TBC1D5: variants seen among roughly 807,000 people sequenced by gnomAD.
The protein encoded by TBC1D5 is TBC1 domain family, member 5.
A neutral mutation model predicts 100.3 loss-of-function variants in TBC1D5; 75 were observed. That is an observed-to-expected ratio of 0.75 (90% CI 0.62 to 0.91). The LOEUF is 0.91. TBC1D5 is among the 40% of genes least tolerant of loss of function. TBC1D5 has a pLI of 0.00. For synonymous variants in TBC1D5, 323 were observed against 325.6 expected, an observed-to-expected ratio of 0.99 and a Z score of 0.09; for missense variants, 910 against 942.4, an observed-to-expected ratio of 0.97 and a Z score of 0.45.
chr3:17,308,204 T>G, intron 13 of TBC1D5, 70 bp from the exon 14 acceptor site: 1 of 1,434,850 alleles, frequency 7.0e-7, no homozygotes, highest in Non-Finnish European at 9.2e-7. Flanking sequence ...TTTTCTCAAG[T>G]AACTGTGAAA....
intron 2 of TBC1D5, among the ~76,000 whole-genome samples, chr3:17,599,732 C>T (rs1300302195): frequency 6.6e-6 from 1 of 152,200 alleles, no homozygotes; most frequent in East Asian, 1.9e-4. Context: ...CACTCCAGCT[C>T]TGGCTCTCGA....
At chr3:17,458,282 A>T (rs1304425580) in intron 3 of TBC1D5, among the ~76,000 whole-genome samples, 1 of 152,188 alleles carries the variant, frequency 6.6e-6, no homozygotes, top group Non-Finnish European at 1.5e-5. Flanking sequence ...CCCCAACTGC[A>T]AAAAGATTTC....
chr3:17,356,219 T>C (rs997751140), intron 13 of TBC1D5, among the ~76,000 whole-genome samples: 1 of 152,188 alleles, frequency 6.6e-6, no homozygotes, highest in Non-Finnish European at 1.5e-5. Context: ...AAACACCCAT[T>C]CATAAAATTT....
chr3:17,482,954 A>T (rs1239980262), intron 3 of TBC1D5, among the ~76,000 whole-genome samples: 1 of 152,084 alleles, frequency 6.6e-6, no homozygotes, highest in East Asian at 1.9e-4. Context: ...AAAGTCTCAG[A>T]TGTTTTGTTT....
intron 4 of TBC1D5, among the ~76,000 whole-genome samples, chr3:17,412,079 T>C (rs761986990): frequency 6.6e-6 from 1 of 152,184 alleles, no homozygotes; most frequent in African/African-American, 2.4e-5. Context: ...TTTTAAAACA[T>C]ACAAAGTTAA....
chr3:17,210,750 G>A (rs553799997), intron 18 of TBC1D5, among the ~76,000 whole-genome samples: 6 of 152,008 alleles, frequency 3.9e-5, no homozygotes, highest in Non-Finnish European at 8.8e-5. Flanking sequence ...AAAATTTCTC[G>A]AATTGTATTT....
At chr3:17,165,168 A>G (rs949151932) in intron 21 of TBC1D5, among the ~76,000 whole-genome samples, 2 of 152,194 alleles carry the variant, frequency 1.3e-5, no homozygotes, top group Admixed American at 6.5e-5. Context: ...TATCTTGGGT[A>G]TGCACAGTGG....
intron 15 of TBC1D5, among the ~76,000 whole-genome samples, chr3:17,276,285 C>T (rs2080003318): frequency 1.3e-5 from 2 of 152,100 alleles, no homozygotes; most frequent in South Asian, 2.1e-4. Flanking sequence ...AGAGCCCTCA[C>T]GACCTAATCA....
At chr3:17,640,400 A>G (rs538716988) in intron 1 of TBC1D5, among the ~76,000 whole-genome samples, 1 of 152,230 alleles carries the variant, frequency 6.6e-6, no homozygotes, top group South Asian at 2.1e-4. Flanking sequence ...TGTTTCAAAG[A>G]TTTATTTTAA....
rs184195081 is a variant in TBC1D5 at position 17,314,993 on chromosome 3, T to C, written c.996-6859A>G. 5.3e-5 allele frequency among the ~76,000 whole-genome samples: 8 copies of C among 152,354 alleles called. No homozygotes were observed. The East Asian group carries it at 1.5e-3, about 29-fold the overall frequency. Reference sequence around the variant, plus strand: ...TGATCATTTTTTAAGGTGGGGTCAATACAGGCATCTGCCACTGTGCCCAGA... The same window carrying C: ...TGATCATTTTTTAAGGTGGGGTCAACACAGGCATCTGCCACTGTGCCCAGA... On this transcript the variant is annotated intron_variant, in intron 13 of 21. Coordinates refer to ENST00000253692, the Ensembl canonical transcript of TBC1D5.
chr3:17,244,458 T>G (rs1559479107), intron 16 of TBC1D5, among the ~76,000 whole-genome samples: 1 of 152,186 alleles, frequency 6.6e-6, no homozygotes, highest in Non-Finnish European at 1.5e-5. Context: ...TCAGTTTCCA[T>G]TCCATTCCTT....
At position 17,591,262 on chromosome 3, in the gene TBC1D5, A is replaced by AAAAAAAG. The variant is rs763680272; in HGVS notation, c.-36+32586_-36+32587insCTTTTTT. ...AAAAAAAAAAAAAAAAAAAAAAAAA[A>AAAAAAAG]AAAACAAAAACCCCAGAGAATCATG... On this transcript the variant is annotated intron_variant, in intron 2 of 21. Transcript: ENST00000253692. Among the ~76,000 whole-genome samples, 3 of 112,846 alleles carry AAAAAAAG rather than the reference A, an allele frequency of 2.7e-5. No individual in the cohort carries two copies. In the Admixed American group the frequency reaches 3.1e-4, roughly 12 times the overall value. The allele number at this position is 112,846 out of a possible 152,430, so 74.0% of individuals were successfully genotyped here.
intron 2 of TBC1D5, among the ~76,000 whole-genome samples, chr3:17,563,512 TA>T (rs1391699500): frequency 6.6e-6 from 1 of 152,232 alleles, no homozygotes; most frequent in East Asian, 1.9e-4. Flanking sequence ...GGAGTAAAGT[TA>T]AATTTAAGGT....
At chr3:17,502,300 C>T (rs1215788428) in intron 3 of TBC1D5, among the ~76,000 whole-genome samples, 1 of 149,862 alleles carries the variant, frequency 6.7e-6, no homozygotes, top group Non-Finnish European at 1.5e-5. Context: ...GTGCTTATCA[C>T]AACAATGACT....
chr3:17,405,841 C>G (rs1018453220), intron 5 of TBC1D5, among the ~76,000 whole-genome samples: 5 of 151,946 alleles, frequency 3.3e-5, no homozygotes, highest in African/African-American at 1.2e-4. Context: ...TAAATAAATT[C>G]ATGTTTAGAA....
chr3:17,228,022 G>T (rs1375920831), intron 17 of TBC1D5, among the ~76,000 whole-genome samples: 1 of 151,984 alleles, frequency 6.6e-6, no homozygotes, highest in Non-Finnish European at 1.5e-5. Flanking sequence ...TAAGGGGTCT[G>T]GCCTTTATTT....
chr3:17,723,455 C>A (rs1161372660), intron 1 of TBC1D5, among the ~76,000 whole-genome samples: 1 of 152,030 alleles, frequency 6.6e-6, no homozygotes, highest in Non-Finnish European at 1.5e-5. Context: ...GAGCAAAGAT[C>A]CAAAAGTTGG....
intron 14 of TBC1D5, among the ~76,000 whole-genome samples, chr3:17,303,586 C>T (rs2083079995): frequency 1.3e-5 from 2 of 152,184 alleles, no homozygotes; most frequent in Non-Finnish European, 2.9e-5. Flanking sequence ...CCTTCACGTA[C>T]TCCAACCATA....
At chr3:17,335,068 A>C (rs1258934425) in intron 13 of TBC1D5, among the ~76,000 whole-genome samples, 5 of 152,166 alleles carry the variant, frequency 3.3e-5, no homozygotes, top group Admixed American at 3.3e-4. Flanking sequence ...ATTATACCCA[A>C]AGGTAAGAAA....
Sources: gnomAD v4.1 joint callset for allele counts (sites outside exome capture counted in the v4.1 genomes callset) on GRCh38, gnomAD v4.1.1 for gene constraint, MANE v1.5 for transcripts, NCBI Gene and HGNC (gene_info 2026-07-23, HGNC 2026-07-21) for gene names.